Variants in MECOM observed in about 807,000 individuals in gnomAD.
MECOM encodes histone-lysine N-methyltransferase MECOM.
MECOM carries 13 observed loss-of-function variants against 116.3 expected under a neutral mutation model. That is an observed-to-expected ratio of 0.11 (90% CI 0.07 to 0.18). The LOEUF is 0.18. Among genes scored for constraint, MECOM ranks in the 10% least tolerant of loss-of-function variants. The pLI is 1.00. For missense variants in MECOM, 1,299 were observed against 1,509.0 expected (o/e 0.86, Z 2.31); for synonymous variants, 528 against 535.2 (o/e 0.99, Z 0.19).
intron 6 of MECOM, among the ~76,000 whole-genome samples, chr3:169,122,006 G>A (rs1321781139): frequency 6.6e-6 from 1 of 152,172 alleles, no homozygotes; most frequent in East Asian, 1.9e-4. Flanking sequence ...ATTAAAAGAA[G>A]TGAATTACTT....
At chr3:169,499,382 C>T (rs554701473) in intron 1 of MECOM, among the ~76,000 whole-genome samples, 2 of 128,422 alleles carry the variant, frequency 1.6e-5, no homozygotes, top group Admixed American at 1.5e-4. Flanking sequence ...AGAGTATAGT[C>T]AGAATAAGAG....
chr3:169,502,739 G>T (rs1754685106), intron 1 of MECOM, among the ~76,000 whole-genome samples: 1 of 152,080 alleles, frequency 6.6e-6, no homozygotes, highest in Non-Finnish European at 1.5e-5. Context: ...GGAGTAATTT[G>T]TCCTCAGGAA....
At chr3:169,382,879 A>AAAAAAAAAAAAAAAAGAAG (rs1358767356) in intron 1 of MECOM, among the ~76,000 whole-genome samples, 22 of 138,534 alleles carry the variant, frequency 1.6e-4, no homozygotes, top group Middle Eastern at 3.6e-3. Flanking sequence ...AAAAATAAAA[A>AAAAAAAAAAAAAAAAGAAG]AAGAAGGTAA....
At chr3:169,452,016 T>C (rs1322260783) in intron 1 of MECOM, among the ~76,000 whole-genome samples, 2 of 151,824 alleles carry the variant, frequency 1.3e-5, no homozygotes, top group African/African-American at 4.8e-5. Flanking sequence ...AAAATACTAG[T>C]CTCTAGTAAT....
intron 1 of MECOM, among the ~76,000 whole-genome samples, chr3:169,545,674 C>T (rs1011085952): frequency 6.6e-6 from 1 of 152,224 alleles, no homozygotes; most frequent in Non-Finnish European, 1.5e-5. Flanking sequence ...GAAGACATCT[C>T]TGTCCTGGTC....
intron 1 of MECOM, among the ~76,000 whole-genome samples, chr3:169,616,441 G>A (rs1353200160): frequency 6.6e-6 from 1 of 152,138 alleles, no homozygotes; most frequent in Non-Finnish European, 1.5e-5. Flanking sequence ...CGCCTCCTGG[G>A]TTCAAGCGAC....
At chr3:169,490,896 T>A (rs945026846) in intron 1 of MECOM, among the ~76,000 whole-genome samples, 8 of 152,094 alleles carry the variant, frequency 5.3e-5, no homozygotes, top group Admixed American at 2.6e-4. Flanking sequence ...ATAAAAAAAA[T>A]GTTTTTTTGT....
chr3:169,247,763 G>A (rs2149573875), intron 2 of MECOM, among the ~76,000 whole-genome samples: 1 of 152,288 alleles, frequency 6.6e-6, no homozygotes, highest in South Asian at 2.1e-4. Context: ...AAAATGTGAT[G>A]GATATGCTGT....
At chr3:169,426,169 C>T (rs1487289510) in intron 1 of MECOM, among the ~76,000 whole-genome samples, 1 of 152,098 alleles carries the variant, frequency 6.6e-6, no homozygotes, top group Non-Finnish European at 1.5e-5. Flanking sequence ...ATAATTTTGG[C>T]TGAGTTTGCT....
intron 2 of MECOM, among the ~76,000 whole-genome samples, chr3:169,353,827 T>A (rs1422353584): frequency 6.6e-6 from 1 of 151,898 alleles, no homozygotes; most frequent in East Asian, 1.9e-4. Context: ...GCTAGTTGAA[T>A]TCATCACAAC....
At chr3:169,262,089 C>T (rs965057421) in intron 2 of MECOM, among the ~76,000 whole-genome samples, 17 of 152,144 alleles carry the variant, frequency 1.1e-4, no homozygotes, top group Non-Finnish European at 2.2e-4. Flanking sequence ...CTAATGGACA[C>T]GAGCCAAGAA....
At chr3:169,413,172 A>C (rs1324643306) in intron 1 of MECOM, among the ~76,000 whole-genome samples, 1 of 152,148 alleles carries the variant, frequency 6.6e-6, no homozygotes, top group African/African-American at 2.4e-5. Flanking sequence ...TCTCACTGGG[A>C]CTGGTTAGAC....
intron 1 of MECOM, among the ~76,000 whole-genome samples, chr3:169,497,359 C>A (rs200767261): frequency 1.4e-5 from 2 of 144,258 alleles, no homozygotes; most frequent in African/African-American, 2.6e-5. Context: ...TTTTTTTTTT[C>A]TTTTGAGATG....
intron 2 of MECOM, among the ~76,000 whole-genome samples, chr3:169,189,212 T>C (rs2149416666): frequency 6.6e-6 from 1 of 152,238 alleles, no homozygotes; most frequent in South Asian, 2.1e-4. Context: ...TAATATGACA[T>C]AAGTCCTTTA....
chr3:169,241,928 T>TA (rs1335412656), intron 2 of MECOM, among the ~76,000 whole-genome samples: 7 of 152,162 alleles, frequency 4.6e-5, no homozygotes, highest in Non-Finnish European at 8.8e-5. Flanking sequence ...TGAAATAAAG[T>TA]AAAAATCTTC....
Position 169,587,426 on chromosome 3 carries a change from AACACACACACACACACAC to A in MECOM, c.37+75892_37+75909del, listed in dbSNP as rs3980637. 6.4e-3 allele frequency among the ~76,000 whole-genome samples: 898 copies of A among 141,084 alleles called. 16 individuals are homozygous for A. Among genetic ancestry groups the A allele is most frequent in the African/African-American group, 0.023 (863 of 37,812 alleles). 92.6% of individuals were successfully genotyped at this position (141,084 alleles called of 152,430 possible). A position where few individuals can be genotyped will look rare whatever the true frequency, so the allele number is the denominator to read the frequency against. ...TTTATCACATGTAAACCCACACGCC[AACACACACACACACACAC>A]ACACACACACACACACACACACACA... On this transcript the variant is annotated intron_variant, in intron 1 of 16. Transcript: ENST00000651503.
chr3:169,644,152 A>G (rs1163725956), intron 1 of MECOM, among the ~76,000 whole-genome samples: 1 of 152,148 alleles, frequency 6.6e-6, no homozygotes, highest in Non-Finnish European at 1.5e-5. Flanking sequence ...GATTATCTCA[A>G]ATAGTTATGA....
intron 2 of MECOM, among the ~76,000 whole-genome samples, chr3:169,256,678 G>GT (rs1258961018): frequency 6.6e-6 from 1 of 152,200 alleles, no homozygotes; most frequent in Admixed American, 6.5e-5. Flanking sequence ...CTATCAACGT[G>GT]TTTTAAGCTG....
intron 2 of MECOM, among the ~76,000 whole-genome samples, chr3:169,179,572 C>T (rs1483201349): frequency 1.3e-5 from 2 of 152,124 alleles, no homozygotes; most frequent in Non-Finnish European, 2.9e-5. Context: ...AACACAAAGT[C>T]AACAATTAAA....
Sources: allele counts gnomAD v4.1 joint callset (sites outside exome capture counted in the v4.1 genomes callset), GRCh38; gene constraint gnomAD v4.1.1; transcripts MANE v1.5; gene names NCBI Gene and HGNC (gene_info 2026-07-23, HGNC 2026-07-21).